The following HOMER3 variants were observed in gnomAD, a reference collection of about 807,000 sequenced individuals.
HOMER3 encodes the protein homer scaffold protein 3.
A neutral mutation model predicts 45.5 loss-of-function variants in HOMER3; 34 were observed. The ratio of observed to expected loss-of-function variants is 0.75; its 90% confidence interval spans 0.57 to 1.00. The LOEUF (loss-of-function observed/expected upper bound fraction) is 1.00, where lower values mean the gene tolerates loss of function less well. Among genes scored for constraint, HOMER3 ranks in the 50% least tolerant of loss-of-function variants. HOMER3 has a pLI of 0.00. For synonymous variants in HOMER3, 223 were observed against 208.8 expected, an observed-to-expected ratio of 1.07 and a Z score of -0.58; for missense variants, 480 against 497.5, an observed-to-expected ratio of 0.96 and a Z score of 0.33.
Position 18,938,367 on chromosome 19 carries a change from G to A in HOMER3, c.289C>T (p.Gln97Ter). The A allele has an allele frequency of 6.2e-7, 1 of 1,611,694 alleles. No individual in the cohort carries two copies. The highest frequency in any genetic ancestry group is 8.5e-7 in the Non-Finnish European group (1 of 1,177,982). Residue 97 changes from glutamine to a stop codon, truncating the protein, a stop_gained, in exon 4 of 10, where the codon CAG becomes TAG. Coordinates refer to ENST00000392351, the MANE Select transcript of HOMER3 (RefSeq NM_004838.4). LOFTEE classifies it high-confidence loss of function. ...ACCCGGCCCACCTGTGTCAGATGCT[G>A]TTCAGAGGCAAAGCCCAGGCCGTAG... ...TVYGLGFASE[Q>*]HLTQFAEKFQ...
chr19:18,931,745 G>A, intron 7 of HOMER3, 120 bp from the exon 8 acceptor site: 1 of 1,494,240 alleles, frequency 6.7e-7, no homozygotes, highest in Non-Finnish European at 8.8e-7. Context: ...ATCTCCCTTG[G>A]TTGGTGCCAC....
chr19:18,932,780 C>T (rs2145123018), intron 6 of HOMER3, 144 bp downstream of exon 6: 2 of 613,746 alleles, frequency 3.3e-6, no homozygotes, highest in Admixed American at 8.6e-5. Flanking sequence ...GATGGGGCAG[C>T]ATTCAGATCC....
rs201565655 is a variant in HOMER3, at chr19:18,938,333, C to T, written c.303+20G>A. ...CCCAGTCTCATCGGTTCCCTCCACT[C>T]TCCCCCTCACCCGGCCCACCTGTGT... On this transcript the variant is annotated intron_variant, in intron 4 of 9. Transcript: ENST00000392351. 17 of 1,594,846 alleles carry T rather than the reference C, an allele frequency of 1.1e-5. No homozygotes were observed. Among genetic ancestry groups the T allele is most frequent in the Middle Eastern group, 3.3e-4 (2 of 5,994 alleles).
intron 3 of HOMER3, 119 bp from the exon 4 acceptor site, chr19:18,938,603 T>TA (rs2145134093): frequency 6.7e-7 from 1 of 1,498,994 alleles, no homozygotes; most frequent in African/African-American, 1.4e-5. Flanking sequence ...TTTCAGGAGA[T>TA]AGAGACTAGG....
In HOMER3 at chr19:18,932,942, T is replaced by C. The variant is rs1295564037; in HGVS notation, c.515A>G (p.Lys172Arg). The change falls in exon 6 of 10, where the codon AAG becomes AGG. Residue 172 changes from lysine (K) to arginine (R), a missense_variant. Physicochemically the swap from Lys to Arg is conservative, Grantham distance 26. Coordinates refer to ENST00000392351, the MANE Select transcript of HOMER3 (RefSeq NM_004838.4). ...APGPTERERLKKMLSEGSVGE... is the reference protein window; with the variant it reads ...APGPTERERLRKMLSEGSVGE... ...CCCTCACCCCTCAGACAACATCTTC[T>C]TTAGCCGCTCGCGCTCTGTGGGGCC... is the stretch of plus-strand genomic sequence containing the variant. 7.5e-7 allele frequency: 1 copy of C among 1,338,380 alleles called. No homozygotes were observed. The highest frequency in any genetic ancestry group is 1.6e-5 in the African/African-American group (1 of 63,368). The allele number at this position is 1,338,380 out of a possible 1,614,324, so 82.9% of individuals were successfully genotyped here. A position where few individuals can be genotyped will look rare whatever the true frequency, so the allele number is the denominator to read the frequency against.
intron 9 of HOMER3, among the ~76,000 whole-genome samples, chr19:18,930,314 G>A (rs1438416307): frequency 6.7e-6 from 1 of 149,864 alleles, no homozygotes; most frequent in Non-Finnish European, 1.5e-5. Flanking sequence ...TTGGGAGGCC[G>A]AGGCGAGTGG....
intron 4 of HOMER3, among the ~76,000 whole-genome samples, chr19:18,935,324 G>C (rs951768046): frequency 6.6e-6 from 1 of 151,920 alleles, no homozygotes; most frequent in Non-Finnish European, 1.5e-5. Flanking sequence ...ATTTAGTACA[G>C]ATGGGGTTTC....
chr19:18,931,029 G>A (rs2057025877), intron 9 of HOMER3, among the ~76,000 whole-genome samples: 2 of 152,074 alleles, frequency 1.3e-5, no homozygotes, highest in South Asian at 4.1e-4. Flanking sequence ...AAAAAATAAA[G>A]CCAAGCCAAG....
intron 3 of HOMER3, 54 bp downstream of exon 3, chr19:18,938,674 A>G (rs1279029527): frequency 6.4e-7 from 1 of 1,558,258 alleles, no homozygotes; most frequent in Non-Finnish European, 8.7e-7. Flanking sequence ...CACCAGACCC[A>G]AGGTTGTCAC....
Position 18,929,541 on chromosome 19 carries a change from C to T in HOMER3, c.988G>A (p.Ala330Thr). ...AGCTGCGCTGCCCGGCCCACCTCAG[C>T]CCGCGCCCGCTCCCGCTCTGCCCGT... ...EARAERERAR[A>T]EVGRAAQLLD... Residue 330 changes from alanine to threonine, a missense_variant, in exon 10 of 10, where the codon GCT becomes ACT. Coordinates refer to ENST00000392351, the MANE Select transcript of HOMER3 (RefSeq NM_004838.4). 2.6e-6 allele frequency: 4 copies of T among 1,558,244 alleles called. No individual in the cohort carries two copies. The highest frequency in any genetic ancestry group is 3.5e-6 in the Non-Finnish European group (4 of 1,153,596).
At position 18,941,204 on chromosome 19, in the gene HOMER3, C is replaced by A. The variant is rs2057152772; in HGVS notation, c.-221G>T. On this transcript the variant is annotated 5_prime_UTR_variant, in exon 1 of 10. Transcript: ENST00000392351. ...CACGCCGCCCGTGCCTTTGTCTGCG[C>A]CGCCGCCGCCCGCGCCGCCTCCGGT... 1 of 147,770 alleles carries A rather than the reference C, an allele frequency of 6.8e-6. No homozygotes were observed. Among genetic ancestry groups the A allele is most frequent in the Non-Finnish European group, 1.5e-5 (1 of 66,108 alleles). The allele number at this position is 147,770 out of a possible 1,614,324, so 9.2% of individuals were successfully genotyped here. A position where few individuals can be genotyped will look rare whatever the true frequency, so the allele number is the denominator to read the frequency against.
chr19:18,931,308 C>T lies in HOMER3; in HGVS notation c.894+17G>A. On this transcript the variant is annotated intron_variant, in intron 9 of 9. Coordinates refer to ENST00000392351, the MANE Select transcript of HOMER3 (RefSeq NM_004838.4). ...CTGTCACCCACCGTCACCCCACCTCCTTGTGCCCACACACACCTGCACCTT... is the reference window on the plus strand; with the variant it reads ...CTGTCACCCACCGTCACCCCACCTCTTTGTGCCCACACACACCTGCACCTT... 6.2e-7 allele frequency: 1 copy of T among 1,611,026 alleles called. No homozygotes were observed.
chr19:18,933,257 C>A (rs2057058269), intron 5 of HOMER3, among the ~76,000 whole-genome samples: 1 of 152,094 alleles, frequency 6.6e-6, no homozygotes. Context: ...ACGCCCTCGA[C>A]CTTGCCTTCC....
intron 4 of HOMER3, among the ~76,000 whole-genome samples, chr19:18,935,696 C>T (rs1005902328): frequency 5.9e-5 from 9 of 152,252 alleles, no homozygotes; most frequent in South Asian, 2.1e-4. Context: ...CCCACCACCC[C>T]GGTTTTAAAA....
At position 18,939,011 on chromosome 19, in the gene HOMER3, G is replaced by A. The variant is rs773598753; in HGVS notation, c.-29C>T. Reference sequence around the variant, plus strand: ...TCAGGCTGGGATGGGCAGGCTCTAGGGGGCAGCCAGAGAGGTGGCAGGAGC... The same window carrying A: ...TCAGGCTGGGATGGGCAGGCTCTAGAGGGCAGCCAGAGAGGTGGCAGGAGC... On this transcript the variant is annotated 5_prime_UTR_variant, in exon 2 of 10. Coordinates refer to ENST00000392351, the MANE Select transcript of HOMER3 (RefSeq NM_004838.4). 2.0e-5 allele frequency: 31 copies of A among 1,553,842 alleles called. 1 individual carries two copies. In the South Asian group the frequency reaches 3.8e-4, roughly 19 times the overall value.
chr19:18,932,353 G>C (rs569245578), intron 6 of HOMER3, among the ~76,000 whole-genome samples: 62 of 146,720 alleles, frequency 4.2e-4, no homozygotes, highest in African/African-American at 1.3e-3. Context: ...GCTCGGTTAG[G>C]GGGCGGGGCC....
chr19:18,932,115 T>C lies in HOMER3; in HGVS notation c.551A>G (p.Gln184Arg), dbSNP rs1359113291. 2 of 1,564,732 alleles carry C rather than the reference T, an allele frequency of 1.3e-6. No individual in the cohort carries two copies. The highest frequency in any genetic ancestry group is 1.7e-6 in the Non-Finnish European group (2 of 1,157,248). Residue 184 changes from glutamine to arginine, a missense_variant, in exon 7 of 10, where the codon CAG becomes CGG. Transcript: ENST00000392351. ...CAGTGCGAAAAACTCGGCCTCCCAC[T>C]GTACCTCGCCCACGGAGCTGCAGAG... ...MLSEGSVGEV[Q>R]WEAEFFALQD... is the part of the protein sequence containing the mutation.
In HOMER3 at chr19:18,934,368, C is replaced by T; in HGVS notation, c.346G>A (p.Ala116Thr). 6.3e-7 allele frequency: 1 copy of T among 1,593,804 alleles called. No homozygotes were observed. Among genetic ancestry groups the T allele is most frequent in the Non-Finnish European group, 8.5e-7 (1 of 1,170,560 alleles). Residue 116 changes from alanine (A) to threonine (T), a missense_variant, in exon 5 of 10, where the codon GCC (alanine) becomes ACC (threonine). Transcript: ENST00000392351. The part of the protein sequence containing the change: ...FQEVKEAARL[A>T]REKSQDGGEL... ...CCGCCATCCTGAGATTTCTCCCTGG[C>T]CAGCCTGGCTGCTTCCTTCACTTCC... is the stretch of plus-strand genomic sequence containing the variant.
rs10425520 is a variant in HOMER3 at position 18,934,193 on chromosome 19, C to T, written c.411+110G>A. ...GTCATCTGGAAGCATTGGGTCTTGA[C>T]GACCAGCAGAGTGCCCCGGTCTCCC... On this transcript the variant is annotated intron_variant, in intron 5 of 9. Transcript: ENST00000392351. 699 of 581,946 alleles carry T rather than the reference C, an allele frequency of 1.2e-3. 5 individuals carry two copies. The highest frequency in any genetic ancestry group is 0.012 in the African/African-American group (608 of 51,396). 36.0% of individuals were successfully genotyped at this position (581,946 alleles called of 1,614,324 possible).
Sources: allele counts gnomAD v4.1 joint callset (sites outside exome capture counted in the v4.1 genomes callset), GRCh38; gene constraint gnomAD v4.1.1; transcripts MANE v1.5; gene names NCBI Gene and HGNC (gene_info 2026-07-23, HGNC 2026-07-21).